TSPAN9: variants seen among roughly 807,000 people sequenced by gnomAD.
TSPAN9 encodes the protein tetraspanin-9.
Under a neutral mutation model 31.0 loss-of-function variants are expected in TSPAN9, and 16 were observed. That is an observed-to-expected ratio of 0.52 (90% CI 0.35 to 0.78). TSPAN9 has a LOEUF of 0.78. Among genes scored for constraint, TSPAN9 ranks in the 30% least tolerant of loss-of-function variants. The pLI, the probability that TSPAN9 is intolerant of heterozygous loss-of-function variation, is 0.01. For synonymous variants in TSPAN9, 145 were observed against 121.6 expected (o/e 1.19, Z -1.27); for missense variants, 272 against 312.5 (o/e 0.87, Z 0.98).
intron 2 of TSPAN9, among the ~76,000 whole-genome samples, chr12:3,123,720 C>T (rs1450653343): frequency 6.6e-6 from 1 of 151,748 alleles, no homozygotes; most frequent in Non-Finnish European, 1.5e-5. Context: ...CTACCTTAAT[C>T]CTTGCAGGCA....
In TSPAN9 at chr12:3,094,515, ATTATC is replaced by A. The variant is rs1431227683; in HGVS notation, c.-18+10799_-18+10803del. ...TTTTTTGGGTGGTTGTTTTAAATCA[ATTATC>A]TTGTTGTTGTTGTTGTTGTTTTTTT... On this transcript the variant is annotated intron_variant, in intron 2 of 8. Transcript: ENST00000011898. Among the ~76,000 whole-genome samples the A allele has an allele frequency of 1.6e-4, 24 of 148,904 alleles. 1 individual carries two copies. The East Asian group carries it at 4.8e-3, about 29-fold the overall frequency.
chr12:3,095,532 C>T (rs756270726), intron 2 of TSPAN9, among the ~76,000 whole-genome samples: 10,187 of 96,288 alleles, frequency 0.11, 890 homozygotes, highest in East Asian at 0.33. Flanking sequence ...CCGGACGGGG[C>T]GGCTGGCCGG....
At chr12:3,083,012 T>G (rs1254868985) in intron 1 of TSPAN9, among the ~76,000 whole-genome samples, 1 of 152,246 alleles carries the variant, frequency 6.6e-6, no homozygotes, top group African/African-American at 2.4e-5. Context: ...GGGCCTGGCT[T>G]TCTCCGGAGT....
intron 3 of TSPAN9, among the ~76,000 whole-genome samples, chr12:3,236,535 C>G (rs1181582471): frequency 6.6e-6 from 1 of 152,154 alleles, no homozygotes; most frequent in Admixed American, 6.5e-5. Flanking sequence ...GATGCTTCCT[C>G]CAGTAGATAA....
rs763751966 is a variant in TSPAN9, at chr12:3,198,806, A to AC, written c.-17-2370dup. 1.5e-3 allele frequency among the ~76,000 whole-genome samples: 50 copies of AC among 32,564 alleles called. 1 individual carries two copies. The highest frequency in any genetic ancestry group is 3.3e-3 in the African/African-American group (41 of 12,506). The allele number at this position is 32,564 out of a possible 152,430, so 21.4% of individuals were successfully genotyped here. On this transcript the variant is annotated intron_variant, in intron 2 of 8. Transcript: ENST00000011898. ...GCACAGGCCACCACCAGCACAGGTC[A>AC]CACCAGCACAGCTCACCACCAGCAC...
intron 2 of TSPAN9, among the ~76,000 whole-genome samples, chr12:3,097,799 A>T (rs1448315629): frequency 6.6e-6 from 1 of 152,106 alleles, no homozygotes; most frequent in Admixed American, 6.5e-5. Flanking sequence ...CAATTTCTCT[A>T]TCCTTCTCCC....
At chr12:3,248,553 C>T (rs1862182875) in intron 3 of TSPAN9, among the ~76,000 whole-genome samples, 1 of 152,088 alleles carries the variant, frequency 6.6e-6, no homozygotes, top group African/African-American at 2.4e-5. Flanking sequence ...TAACTTCTTA[C>T]ATTAAGTGCC....
intron 3 of TSPAN9, among the ~76,000 whole-genome samples, chr12:3,268,989 C>T (rs1441203813): frequency 2.1e-3 from 137 of 64,612 alleles, no homozygotes; most frequent in Admixed American, 2.6e-3. Flanking sequence ...GCCTGCCCTC[C>T]GTGCGTTCCT....
intron 2 of TSPAN9, among the ~76,000 whole-genome samples, chr12:3,182,205 C>T (rs754629079): frequency 6.6e-6 from 1 of 151,940 alleles, no homozygotes; most frequent in Admixed American, 6.6e-5. Context: ...GTTAATTACT[C>T]GATTAATTCA....
rs1217868947 is a variant in TSPAN9, at chr12:3,170,220, C to T, written c.-17-30957C>T. ...ACTTACATCTGAATTTCTCTCCCAT[C>T]CATCTCGTTTATGGTGTTTACAGGG... On this transcript the variant is annotated intron_variant, in intron 2 of 8. Coordinates refer to ENST00000011898, the MANE Select transcript of TSPAN9 (RefSeq NM_006675.5). The surrounding 1 kb of genome is among the most constrained non-coding windows in gnomAD (Gnocchi z 4.4). Among the ~76,000 whole-genome samples, 1 of 152,168 alleles carries T rather than the reference C, an allele frequency of 6.6e-6. No homozygotes were observed. Among genetic ancestry groups the T allele is most frequent in the African/African-American group, 2.4e-5 (1 of 41,428 alleles).
At chr12:3,154,008 A>ATG (rs1217236640) in intron 2 of TSPAN9, among the ~76,000 whole-genome samples, 3 of 56,280 alleles carry the variant, frequency 5.3e-5, no homozygotes, top group African/African-American at 1.6e-4. Flanking sequence ...TATTATATAT[A>ATG]TATGTGTGTG....
chr12:3,138,900 C>T (rs1049100090), intron 2 of TSPAN9, among the ~76,000 whole-genome samples: 28 of 152,326 alleles, frequency 1.8e-4, no homozygotes, highest in African/African-American at 6.5e-4. Flanking sequence ...GTCCTGGACC[C>T]TGTTCTCCGC....
intron 3 of TSPAN9, among the ~76,000 whole-genome samples, chr12:3,268,341 CCT>C (rs1862581678): frequency 1.6e-5 from 2 of 128,816 alleles, no homozygotes; most frequent in Admixed American, 7.6e-5. Flanking sequence ...TGCAGCCTGC[CCT>C]CTCTGTGTTC....
intron 3 of TSPAN9, among the ~76,000 whole-genome samples, chr12:3,270,495 A>C (rs868495392): frequency 6.6e-6 from 1 of 152,236 alleles, no homozygotes; most frequent in Non-Finnish European, 1.5e-5. Context: ...TCCCAGGGCT[A>C]TACCAACCTA....
Position 3,159,768 on chromosome 12 carries a change from G to GT in TSPAN9, c.-17-41408dup, listed in dbSNP as rs1334890908. On this transcript the variant is annotated intron_variant, in intron 2 of 8. Coordinates refer to ENST00000011898, the MANE Select transcript of TSPAN9 (RefSeq NM_006675.5). Reference sequence around the variant, plus strand: ...GAAACAAACACAGAGGGAAGACAACGTGAAGACGTAGGGAGAAGACGGCTA... The same window carrying GT: ...GAAACAAACACAGAGGGAAGACAACGTTGAAGACGTAGGGAGAAGACGGCTA... Among the ~76,000 whole-genome samples, 26 of 152,312 alleles carry GT rather than the reference G, an allele frequency of 1.7e-4. No homozygotes were observed. The South Asian group carries it at 5.2e-3, about 30-fold the overall frequency.
chr12:3,155,788 C>T (rs2098341950), intron 2 of TSPAN9, among the ~76,000 whole-genome samples: 1 of 152,110 alleles, frequency 6.6e-6, no homozygotes. Flanking sequence ...AAATTGTCCC[C>T]CTTGGGCAGT....
chr12:3,086,870 G>A (rs1349387772), intron 2 of TSPAN9, among the ~76,000 whole-genome samples: 3 of 152,244 alleles, frequency 2.0e-5, no homozygotes, highest in African/African-American at 7.2e-5. Context: ...GCCCTCGTGG[G>A]CAGTGACCCT....
chr12:3,239,491 A>G (rs2098395470), intron 3 of TSPAN9, among the ~76,000 whole-genome samples: 2 of 152,184 alleles, frequency 1.3e-5, no homozygotes, highest in Admixed American at 6.5e-5. Context: ...CAAGACCTCC[A>G]TGGGCGAGCA....
intron 2 of TSPAN9, among the ~76,000 whole-genome samples, chr12:3,124,234 A>G (rs2098326359): frequency 6.6e-6 from 1 of 152,234 alleles, no homozygotes; most frequent in Non-Finnish European, 1.5e-5. Flanking sequence ...AAAATGCAAC[A>G]TTGCTTAGAA....
Sources: allele counts gnomAD v4.1 joint callset (sites outside exome capture counted in the v4.1 genomes callset), GRCh38; gene constraint gnomAD v4.1.1; non-coding constraint Gnocchi (gnomAD v3.1); transcripts MANE v1.5; gene names NCBI Gene and HGNC (gene_info 2026-07-23, HGNC 2026-07-21).